Variants in PTPN21 observed in about 807,000 individuals in gnomAD.
PTPN21 encodes protein tyrosine phosphatase non-receptor type 21.
PTPN21 carries 77 observed loss-of-function variants against 131.8 expected under a neutral mutation model. The observed-to-expected ratio is 0.58, with a 90% confidence interval of 0.49 to 0.71. The LOEUF (loss-of-function observed/expected upper bound fraction) is 0.71. Among genes scored for constraint, PTPN21 ranks in the 30% least tolerant of loss-of-function variants. The pLI, the probability that PTPN21 is intolerant of heterozygous loss-of-function variation, is 0.00. For missense variants in PTPN21, 1,552 were observed against 1,527.1 expected, an observed-to-expected ratio of 1.02 and a Z score of -0.27; for synonymous variants, 715 against 621.3, an observed-to-expected ratio of 1.15 and a Z score of -2.24.
In PTPN21 at chr14:88,534,278, G is replaced by A. The variant is rs555181822; in HGVS notation, c.180+15960C>T. ...CACACCTGTAATCCCAGCTACTTGGGAGGCTGAAGCACAAAAATGGCTTGA... is the reference window on the plus strand; with the variant it reads ...CACACCTGTAATCCCAGCTACTTGGAAGGCTGAAGCACAAAAATGGCTTGA... On this transcript the variant is annotated intron_variant, in intron 2 of 18. Transcript: ENST00000556564. Among the ~76,000 whole-genome samples, 58 of 152,020 alleles carry A rather than the reference G, an allele frequency of 3.8e-4. No homozygotes were observed. In the South Asian group the frequency reaches 9.4e-3, roughly 25 times the overall value.
intron 18 of PTPN21, among the ~76,000 whole-genome samples, chr14:88,468,639 A>C (rs2077403324): frequency 6.6e-6 from 1 of 152,170 alleles, no homozygotes; most frequent in Non-Finnish European, 1.5e-5. Context: ...TGAAATGTAA[A>C]CAGAAAAAGA....
intron 6 of PTPN21, among the ~76,000 whole-genome samples, chr14:88,502,166 T>G (rs1566828824): frequency 6.6e-6 from 1 of 152,108 alleles, no homozygotes; most frequent in Non-Finnish European, 1.5e-5. Context: ...CATGCAGACT[T>G]GCATCTCCAG....
intron 3 of PTPN21, among the ~76,000 whole-genome samples, chr14:88,514,169 A>G (rs368462948): frequency 1.3e-5 from 2 of 152,134 alleles, no homozygotes; most frequent in African/African-American, 4.8e-5. Flanking sequence ...AGGGAATCCT[A>G]TTACATCTAT....
Position 88,469,494 on chromosome 14 carries a change from C to T in PTPN21, c.3235+5G>A. On this transcript the variant is annotated splice_donor_5th_base_variant and intron_variant, in intron 17 of 18. Transcript: ENST00000556564. The surrounding 1 kb of genome is among the most constrained non-coding windows in gnomAD (Gnocchi z 4.3). The stretch of plus-strand genomic sequence containing the variant: ...TGTCCTCGGAACAAAGTTAAAGTCA[C>T]TCACATAAAAATCCCTTGAGGTCTT... 1 of 1,604,614 alleles carries T rather than the reference C, an allele frequency of 6.2e-7. No homozygotes were observed. Among genetic ancestry groups the T allele is most frequent in the Non-Finnish European group, 8.5e-7 (1 of 1,171,392 alleles).
At chr14:88,524,567 C>T (rs189390093) in intron 2 of PTPN21, among the ~76,000 whole-genome samples, 1 of 152,194 alleles carries the variant, frequency 6.6e-6, no homozygotes, top group Non-Finnish European at 1.5e-5. Context: ...GAGTATAACA[C>T]CAAAAACATG....
intron 10 of PTPN21, among the ~76,000 whole-genome samples, chr14:88,486,977 C>CTAA (rs2077744685): frequency 3.7e-5 from 2 of 54,632 alleles, no homozygotes; most frequent in African/African-American, 1.2e-4. Context: ...ATTCTAGCCT[C>CTAA]AAAAAAAAAA....
Position 88,468,015 on chromosome 14 carries a change from C to T in PTPN21, c.*122G>A. On this transcript the variant is annotated 3_prime_UTR_variant, in exon 19 of 19. Transcript: ENST00000556564. Reference sequence around the variant, plus strand: ...GCGTGCCGCCATTCAGACTGCGCCACTTACGTCCCAGTGCCACGCTGCGTG... The same window carrying T: ...GCGTGCCGCCATTCAGACTGCGCCATTTACGTCCCAGTGCCACGCTGCGTG... 1 of 1,282,412 alleles carries T rather than the reference C, an allele frequency of 7.8e-7. No homozygotes were observed. The highest frequency in any genetic ancestry group is 1.1e-6 in the Non-Finnish European group (1 of 899,146). The allele number at this position is 1,282,412 out of a possible 1,614,324, so 79.4% of individuals were successfully genotyped here. A position where few individuals can be genotyped will look rare whatever the true frequency, so the allele number is the denominator to read the frequency against.
At position 88,479,604 on chromosome 14, in the gene PTPN21, GTCC is replaced by G. The variant is rs751049545; in HGVS notation, c.1824_1826del (p.Glu608del). 1.9e-5 allele frequency: 30 copies of G among 1,585,872 alleles called. No individual in the cohort carries two copies. The highest frequency in any genetic ancestry group is 2.2e-5 in the Non-Finnish European group (26 of 1,171,948). On this transcript the variant is annotated inframe_deletion, in exon 13 of 19. Coordinates refer to ENST00000556564, the MANE Select transcript of PTPN21 (RefSeq NM_007039.4). ...GCAGCGAGTGCGCCACGGGCAGGCT[GTCC>G]TCCTGGAACGTTTGCACCGAGTGGT... is the stretch of plus-strand genomic sequence containing the variant.
chr14:88,485,377 C>A (rs962737698), intron 11 of PTPN21, among the ~76,000 whole-genome samples: 19 of 152,160 alleles, frequency 1.2e-4, no homozygotes, highest in African/African-American at 4.6e-4. Flanking sequence ...ATACCAAGGA[C>A]ATTAGGCTCC....
At chr14:88,548,924 A>G (rs1200900707) in intron 2 of PTPN21, among the ~76,000 whole-genome samples, 1 of 152,204 alleles carries the variant, frequency 6.6e-6, no homozygotes, top group Admixed American at 6.5e-5. Context: ...TAGTTAGCAG[A>G]GCTTACAACC....
rs959213297 is a variant in PTPN21, at chr14:88,466,143, T to G, written c.*1994A>C. 1.3e-5 allele frequency: 2 copies of G among 152,164 alleles called. No homozygotes were observed. The highest frequency in any genetic ancestry group is 6.5e-5 in the Admixed American group (1 of 15,268). 9.4% of individuals were successfully genotyped at this position (152,164 alleles called of 1,614,324 possible). ...GTTCCAGTAAAAAGTTCTTATTCCT[T>G]TCTTCTAAGGAGCTCGTTCTGAATA... is the stretch of plus-strand genomic sequence containing the variant. On this transcript the variant is annotated 3_prime_UTR_variant, in exon 19 of 19. Coordinates refer to ENST00000556564, the MANE Select transcript of PTPN21 (RefSeq NM_007039.4).
chr14:88,506,404 T>A (rs2078088370), intron 4 of PTPN21, among the ~76,000 whole-genome samples: 1 of 151,790 alleles, frequency 6.6e-6, no homozygotes, highest in African/African-American at 2.4e-5. Context: ...ATGAAAAAAA[T>A]AAACAATTCA....
chr14:88,508,121 T>TA, intron 3 of PTPN21, 101 bp from the exon 4 acceptor site: 1 of 568,190 alleles, frequency 1.8e-6, no homozygotes, highest in East Asian at 3.2e-5. Flanking sequence ...ACCAGTGAAA[T>TA]AAAACCTTAA....
chr14:88,531,738 C>G (rs2078558170), intron 2 of PTPN21, among the ~76,000 whole-genome samples: 1 of 151,980 alleles, frequency 6.6e-6, no homozygotes, highest in Non-Finnish European at 1.5e-5. Flanking sequence ...CAACCAAACC[C>G]AAACCCAGCA....
chr14:88,480,672 C>CAAGGCA, intron 12 of PTPN21, among the ~76,000 whole-genome samples: 1 of 152,284 alleles, frequency 6.6e-6, no homozygotes, highest in South Asian at 2.1e-4. Flanking sequence ...AGATACCATT[C>CAAGGCA]AAGGCACTGG....
chr14:88,484,675 G>T (rs111340563), intron 12 of PTPN21, among the ~76,000 whole-genome samples: 2 of 152,032 alleles, frequency 1.3e-5, no homozygotes, highest in Admixed American at 6.5e-5. Context: ...GATCATCTGA[G>T]GTCAGGAGTT....
At chr14:88,500,246 A>T (rs1283785506) in intron 8 of PTPN21, among the ~76,000 whole-genome samples, 1 of 152,210 alleles carries the variant, frequency 6.6e-6, no homozygotes, top group Non-Finnish European at 1.5e-5. Context: ...AGCCTGGGCA[A>T]CATGGTGAAA....
chr14:88,531,230 T>C (rs1407313737), intron 2 of PTPN21, among the ~76,000 whole-genome samples: 2 of 152,182 alleles, frequency 1.3e-5, no homozygotes, highest in Non-Finnish European at 2.9e-5. Flanking sequence ...AAAAATTCTT[T>C]GAACTGAATG....
intron 2 of PTPN21, among the ~76,000 whole-genome samples, chr14:88,545,290 T>C (rs2139360968): frequency 6.6e-6 from 1 of 152,332 alleles, no homozygotes; most frequent in East Asian, 1.9e-4. Flanking sequence ...GGCAGTTCCT[T>C]ACTGCTTATA....
Sources: allele counts gnomAD v4.1 joint callset (sites outside exome capture counted in the v4.1 genomes callset), GRCh38; gene constraint gnomAD v4.1.1; non-coding constraint Gnocchi (gnomAD v3.1); transcripts MANE v1.5; gene names NCBI Gene and HGNC (gene_info 2026-07-23, HGNC 2026-07-21).